PDE4D: variants seen among roughly 807,000 people sequenced by gnomAD.
PDE4D encodes the protein 3',5'-cyclic-AMP phosphodiesterase 4D.
PDE4D carries 24 observed loss-of-function variants against 87.4 expected under a neutral mutation model. That is an observed-to-expected ratio of 0.27 (90% confidence interval 0.20 to 0.39). PDE4D has a LOEUF of 0.39. Ranked by LOEUF, PDE4D falls within the 10% of genes least tolerant of loss-of-function variation. The pLI is 1.00. For synonymous variants in PDE4D, 384 were observed against 383.2 expected, an observed-to-expected ratio of 1.00 and a Z score of -0.02; for missense variants, 714 against 1,041.0, an observed-to-expected ratio of 0.69 and a Z score of 4.32.
chr5:59,420,424 C>A (rs1456088527), intron 1 of PDE4D, among the ~76,000 whole-genome samples: 1 of 152,160 alleles, frequency 6.6e-6, no homozygotes, highest in African/African-American at 2.4e-5. Flanking sequence ...GAGACAACAG[C>A]AACCCCAGGG....
At chr5:59,504,896 G>A (rs1409521333) in intron 1 of PDE4D, among the ~76,000 whole-genome samples, 2 of 131,992 alleles carry the variant, frequency 1.5e-5, no homozygotes, top group African/African-American at 5.9e-5. Flanking sequence ...TTCTTGGTAG[G>A]GGTATATGTG....
At chr5:59,603,427 T>C (rs1241503414) in intron 1 of PDE4D, among the ~76,000 whole-genome samples, 2 of 151,900 alleles carry the variant, frequency 1.3e-5, no homozygotes, top group Non-Finnish European at 2.9e-5. Context: ...GAAAAATGCA[T>C]ACTAATACTA....
chr5:59,907,172 C>T (rs932207055), intron 3 of PDE4D, among the ~76,000 whole-genome samples: 4 of 152,102 alleles, frequency 2.6e-5, no homozygotes, highest in African/African-American at 9.7e-5. Context: ...ATCTTGCCAG[C>T]AGCTGTTATT....
intron 1 of PDE4D, among the ~76,000 whole-genome samples, chr5:60,504,262 A>AT (rs5868243): frequency 0.48 from 71,941 of 148,700 alleles, 17,346 homozygotes; most frequent in South Asian, 0.62. Flanking sequence ...GTCTTTATGC[A>AT]TTTTTTTTTT....
chr5:60,356,970 T>C (rs1759675277), intron 1 of PDE4D, among the ~76,000 whole-genome samples: 1 of 152,170 alleles, frequency 6.6e-6, no homozygotes, highest in Non-Finnish European at 1.5e-5. Flanking sequence ...ACACAGCTAC[T>C]AGCTCCAATG....
At chr5:59,143,063 A>C (rs1024533993) in intron 5 of PDE4D, among the ~76,000 whole-genome samples, 1 of 152,088 alleles carries the variant, frequency 6.6e-6, no homozygotes, top group Non-Finnish European at 1.5e-5. Flanking sequence ...AGAGGAATGA[A>C]GTTACTTTTT....
At chr5:59,315,323 C>T (rs1773494529) in intron 1 of PDE4D, among the ~76,000 whole-genome samples, 1 of 152,106 alleles carries the variant, frequency 6.6e-6, no homozygotes, top group Non-Finnish European at 1.5e-5. Flanking sequence ...CCAATTCTAC[C>T]TACCGATGGG....
chr5:59,958,467 A>G (rs1328968990), intron 3 of PDE4D, among the ~76,000 whole-genome samples: 1 of 152,182 alleles, frequency 6.6e-6, no homozygotes, highest in Non-Finnish European at 1.5e-5. Flanking sequence ...TTGCATATCT[A>G]TTTATGTGTT....
At chr5:59,055,318 A>G (rs1342273850) in intron 5 of PDE4D, among the ~76,000 whole-genome samples, 1 of 152,140 alleles carries the variant, frequency 6.6e-6, no homozygotes. Flanking sequence ...CTTGTATTAT[A>G]ATAATAATTA....
intron 1 of PDE4D, among the ~76,000 whole-genome samples, chr5:60,231,466 G>GA (rs368214981): frequency 2.8e-4 from 42 of 149,528 alleles, no homozygotes; most frequent in Admixed American, 6.7e-4. Flanking sequence ...CTGTGCAATG[G>GA]AAAAAAAAAT....
In PDE4D at chr5:60,319,936, C is replaced by T. The variant is rs1008230200; in HGVS notation, c.-89-134249G>A. Among the ~76,000 whole-genome samples, 16 of 152,202 alleles carry T rather than the reference C, an allele frequency of 1.1e-4. 1 individual carries two copies. The highest frequency in any genetic ancestry group is 3.6e-4 in the African/African-American group (15 of 41,452). On this transcript the variant is annotated intron_variant, in intron 1 of 16. Transcript: ENST00000502484. ...GTTAGGCTACTGGGGGTCAGGGACCCAGTTGCGGAGGCAGTCTGTCCGTTC... is the reference window on the plus strand; with the variant it reads ...GTTAGGCTACTGGGGGTCAGGGACCTAGTTGCGGAGGCAGTCTGTCCGTTC...
rs1348811612 is a variant in PDE4D, at chr5:58,982,287, C to T, written c.1553-4942G>A. Reference sequence around the variant, plus strand: ...TGGCCTTTATGGCCTTCTGGAGAACCTTGCCCCAGCCCTGCAAGGTCTTGC... The same window carrying T: ...TGGCCTTTATGGCCTTCTGGAGAACTTTGCCCCAGCCCTGCAAGGTCTTGC... On this transcript the variant is annotated intron_variant, in intron 11 of 14. Coordinates refer to ENST00000340635, the MANE Select transcript of PDE4D (RefSeq NM_001104631.2). Among the ~76,000 whole-genome samples the T allele has an allele frequency of 1.3e-5, 2 of 152,144 alleles. 1 individual carries two copies. The highest frequency in any genetic ancestry group is 4.8e-5 in the African/African-American group (2 of 41,430).
At chr5:60,179,575 G>T (rs1387167819) in intron 2 of PDE4D, among the ~76,000 whole-genome samples, 1 of 151,906 alleles carries the variant, frequency 6.6e-6, no homozygotes, top group Non-Finnish European at 1.5e-5. Flanking sequence ...GGAAGCATTT[G>T]ATAATAAAAC....
At chr5:59,898,904 G>A (rs1449218327) in intron 3 of PDE4D, among the ~76,000 whole-genome samples, 1 of 152,048 alleles carries the variant, frequency 6.6e-6, no homozygotes, top group Non-Finnish European at 1.5e-5. Context: ...ACAGAAGGAA[G>A]GAAAATAACA....
intron 1 of PDE4D, among the ~76,000 whole-genome samples, chr5:59,630,458 C>T (rs1054666002): frequency 6.6e-6 from 1 of 152,164 alleles, no homozygotes; most frequent in African/African-American, 2.4e-5. Flanking sequence ...TCAATGTTCT[C>T]TTAAGAGTGT....
intron 6 of PDE4D, among the ~76,000 whole-genome samples, chr5:59,033,555 C>T: frequency 6.6e-6 from 1 of 152,166 alleles, no homozygotes; most frequent in Non-Finnish European, 1.5e-5. Context: ...ACATAAACAG[C>T]ACTGCACATC....
At chr5:58,981,690 T>C (rs1487883665) in intron 11 of PDE4D, among the ~76,000 whole-genome samples, 2 of 152,200 alleles carry the variant, frequency 1.3e-5, no homozygotes, top group African/African-American at 2.4e-5. Flanking sequence ...CTACTCATTC[T>C]GTATTCCCTT....
At chr5:59,844,003 G>A (rs769300525) in intron 1 of PDE4D, among the ~76,000 whole-genome samples, 28 of 152,014 alleles carry the variant, frequency 1.8e-4, no homozygotes, top group Non-Finnish European at 2.1e-4. Flanking sequence ...TATCAGAGTA[G>A]GTCTGTTATA....
chr5:59,159,872 G>A (rs180927823), intron 5 of PDE4D, among the ~76,000 whole-genome samples: 88 of 152,258 alleles, frequency 5.8e-4, no homozygotes, highest in Non-Finnish European at 5.0e-4. Flanking sequence ...ATCATGAACT[G>A]ACCACCAGAC....
Sources: gnomAD v4.1 joint callset for allele counts (sites outside exome capture counted in the v4.1 genomes callset) on GRCh38, gnomAD v4.1.1 for gene constraint, MANE v1.5 for transcripts, NCBI Gene and HGNC (gene_info 2026-07-23, HGNC 2026-07-21) for gene names.